The following OTOG variants were observed in gnomAD, a reference collection of about 807,000 sequenced individuals.
OTOG encodes otogelin.
Under a neutral mutation model 313.8 loss-of-function variants are expected in OTOG, and 296 were observed. The observed-to-expected ratio is 0.94, with a 90% CI of 0.86 to 1.04. The LOEUF is 1.04. Among genes scored for constraint, OTOG ranks in the 50% least tolerant of loss-of-function variants. The pLI, the probability that OTOG is intolerant of heterozygous loss-of-function variation, is 0.00. For synonymous variants in OTOG, 1,533 were observed against 1,554.9 expected (o/e 0.99, Z 0.33); for missense variants, 3,948 against 3,840.1 (o/e 1.03, Z -0.74).
chr11:17,571,203 C>T (rs1385464030), intron 17 of OTOG, among the ~76,000 whole-genome samples: 1 of 152,226 alleles, frequency 6.6e-6, no homozygotes, highest in Non-Finnish European at 1.5e-5. Context: ...TGGCATTCTA[C>T]TATGCTTTGC....
At chr11:17,552,630 C>T (rs1255685465) in intron 4 of OTOG, among the ~76,000 whole-genome samples, 7 of 36,356 alleles carry the variant, frequency 1.9e-4, no homozygotes, top group Admixed American at 6.9e-4. Flanking sequence ...CATCATGGCT[C>T]CTTTCCTCGC....
rs911853347 is a variant in OTOG at position 17,634,062 on chromosome 11, T to A, written c.7268-7T>A. 21 of 1,542,426 alleles carry A rather than the reference T, an allele frequency of 1.4e-5. No homozygotes were observed. The Admixed American group carries it at 4.1e-4, about 30-fold the overall frequency. On this transcript the variant is annotated splice_polypyrimidine_tract_variant and splice_region_variant and intron_variant, in intron 43 of 55. Coordinates refer to ENST00000399397, the MANE Select transcript of OTOG (RefSeq NM_001292063.2). ...AGTCCCTCGCACCCTGCCATTCCCC[T>A]CTGCAGCCTGCACTGACAGCATGGG... is the stretch of plus-strand genomic sequence containing the variant.
At chr11:17,638,619 G>C (rs1305520271) in intron 48 of OTOG, 70 bp downstream of exon 48, 1 of 1,510,180 alleles carries the variant, frequency 6.6e-7, no homozygotes, top group Non-Finnish European at 9.0e-7. Context: ...GATTGAGGGA[G>C]CCCGGCCTAC....
In OTOG at chr11:17,559,535, T is replaced by C. The variant is rs73418062; in HGVS notation, c.1215T>C (p.Thr405=). The stretch of plus-strand genomic sequence containing the variant: ...GACCATGGATCCCTCCTTCCCAAGC[T>C]GTGCACTGCAAGGAGAAGGCCTTTA... The part of the protein sequence containing the change: ...QGWRTQLRQC[T]VHCKEKAFTY... Residue 405 remains threonine (T), a splice_region_variant and synonymous_variant, in exon 12 of 56, where the codon ACT becomes ACC. Coordinates refer to ENST00000399397, the MANE Select transcript of OTOG (RefSeq NM_001292063.2). The C allele has an allele frequency of 1.1e-3, 1,671 of 1,550,654 alleles. 27 individuals are homozygous for C. The African/African-American group carries it at 0.02, about 19-fold the overall frequency.
At chr11:17,602,890 G>A (rs950539632) in intron 32 of OTOG, among the ~76,000 whole-genome samples, 6 of 152,316 alleles carry the variant, frequency 3.9e-5, no homozygotes, top group East Asian at 3.9e-4. Flanking sequence ...GGAGACAGAC[G>A]TGCCCAAAGG....
At position 17,574,705 on chromosome 11, in the gene OTOG, C is replaced by G. The variant is rs768224412; in HGVS notation, c.2294-15C>G. ...TGAGGGAGACAAAGCATGCACCACT[C>G]CCCCCTCACTGCAGCACTGTCCTGT... On this transcript the variant is annotated splice_polypyrimidine_tract_variant and intron_variant, in intron 19 of 55. Transcript: ENST00000399397. 3 of 1,545,334 alleles carry G rather than the reference C, an allele frequency of 1.9e-6. No individual in the cohort carries two copies. Among genetic ancestry groups the G allele is most frequent in the Non-Finnish European group, 2.6e-6 (3 of 1,143,976 alleles).
rs2134036486 is a variant in OTOG, at chr11:17,578,527, G to T, written c.2759+1G>T. 3 of 1,530,818 alleles carry T rather than the reference G, an allele frequency of 2.0e-6. No homozygotes were observed. Among genetic ancestry groups the T allele is most frequent in the Non-Finnish European group, 2.6e-6 (3 of 1,143,606 alleles). 94.8% of individuals were successfully genotyped at this position (1,530,818 alleles called of 1,614,324 possible). ...TCTCGGGCTGCGCCTGTCCCCAGGG[G>T]TAAGTACCCATGGTGTCGTGGGCCC... On this transcript the variant is annotated splice_donor_variant, in intron 23 of 55. Transcript: ENST00000399397. LOFTEE classifies it high-confidence loss of function.
At chr11:17,555,206 G>GGTGTGT (rs546703977) in intron 6 of OTOG, among the ~76,000 whole-genome samples, 1 of 98,636 alleles carries the variant, frequency 1.0e-5, no homozygotes, top group African/African-American at 5.5e-5. Context: ...CGGGGGCAGA[G>GGTGTGT]ATGTGTGTGT....
intron 3 of OTOG, 126 bp downstream of exon 3, chr11:17,548,338 A>T (rs58569858): frequency 1.5e-6 from 1 of 659,396 alleles, no homozygotes. Context: ...GAACAAGCAG[A>T]TTCCTGGTAT....
intron 54 of OTOG, among the ~76,000 whole-genome samples, chr11:17,645,154 A>G (rs182025074): frequency 1.0e-3 from 155 of 152,388 alleles, no homozygotes; most frequent in African/African-American, 3.4e-3. Context: ...AGGAAATTGC[A>G]TAATCTTAAT....
chr11:17,631,649 C>T (rs61880564), intron 40 of OTOG, 53 bp from the exon 41 acceptor site: 1 of 1,407,840 alleles, frequency 7.1e-7, no homozygotes, highest in Non-Finnish European at 9.8e-7. Context: ...GAGCTGACGA[C>T]ATGGGAGTGG....
intron 23 of OTOG, among the ~76,000 whole-genome samples, chr11:17,581,092 T>C (rs1255287912): frequency 6.6e-6 from 1 of 152,194 alleles, no homozygotes; most frequent in Non-Finnish European, 1.5e-5. Context: ...ACATGCATTT[T>C]GGAAAATAGT....
intron 47 of OTOG, among the ~76,000 whole-genome samples, chr11:17,636,726 T>C (rs1854274354): frequency 6.6e-6 from 1 of 152,100 alleles, no homozygotes; most frequent in Admixed American, 6.5e-5. Flanking sequence ...TCCTCCTGTA[T>C]TCACGTTTCT....
chr11:17,570,154 G>C (rs1852372355), intron 16 of OTOG, 59 bp from the exon 17 acceptor site: 4 of 1,442,980 alleles, frequency 2.8e-6, no homozygotes, highest in Middle Eastern at 1.7e-4. Context: ...AGGTGGTGGT[G>C]GTGGGCGGGG....
At chr11:17,557,000 T>TG in intron 7 of OTOG, 118 bp from the exon 8 acceptor site, 1 of 917,590 alleles carries the variant, frequency 1.1e-6, no homozygotes, top group Non-Finnish European at 1.6e-6. Context: ...TGGGAATTCA[T>TG]GGGGAGGGGA....
chr11:17,578,480 G>T lies in OTOG; in HGVS notation c.2713G>T (p.Val905Leu). 1.3e-6 allele frequency: 2 copies of T among 1,540,670 alleles called. No homozygotes were observed. The highest frequency in any genetic ancestry group is 1.2e-5 in the South Asian group (1 of 84,042). Residue 905 changes from valine (V) to leucine (L), a missense_variant, in exon 23 of 56, where the codon GTG becomes TTG. Val to Leu is a conservative substitution (Grantham distance 32). Coordinates refer to ENST00000399397, the MANE Select transcript of OTOG (RefSeq NM_001292063.2). Reference protein sequence around the residue: ...TCEQQLLNLSVSARGPCLSGC... With the variant: ...TCEQQLLNLSLSARGPCLSGC... ...TGAGCAGCAACTGCTGAACCTGAGC[G>T]TGTCAGCCCGTGGCCCCTGCCTCTC...
chr11:17,556,323 G>T (rs1852056987), intron 7 of OTOG, among the ~76,000 whole-genome samples: 1 of 152,168 alleles, frequency 6.6e-6, no homozygotes, highest in Admixed American at 6.5e-5. Context: ...GGCCAACAGG[G>T]ATGCTTGGAG....
intron 36 of OTOG, 111 bp downstream of exon 36, chr11:17,611,534 C>A (rs929846445): frequency 1.7e-6 from 2 of 1,158,824 alleles, no homozygotes; most frequent in African/African-American, 1.6e-5. Flanking sequence ...GCCCCATGCT[C>A]CTGGTCCCTG....
At chr11:17,644,373 GA>G (rs1241410272) in intron 54 of OTOG, among the ~76,000 whole-genome samples, 1 of 152,268 alleles carries the variant, frequency 6.6e-6, no homozygotes, top group Non-Finnish European at 1.5e-5. Flanking sequence ...GGTGCAGTAG[GA>G]AACCTCTGTG....
Sources: gnomAD v4.1 joint callset for allele counts (sites outside exome capture counted in the v4.1 genomes callset) on GRCh38, gnomAD v4.1.1 for gene constraint, MANE v1.5 for transcripts, NCBI Gene and HGNC (gene_info 2026-07-23, HGNC 2026-07-21) for gene names.